CNTNAP2: variants seen among roughly 807,000 people sequenced by gnomAD.
CNTNAP2 encodes contactin-associated protein-like 2.
CNTNAP2 carries 98 observed loss-of-function variants against 155.2 expected under a neutral mutation model. That is an observed-to-expected ratio of 0.63 (90% confidence interval 0.54 to 0.75). The LOEUF is 0.75. CNTNAP2 is among the 30% of genes least tolerant of loss of function. The probability of loss-of-function intolerance (pLI) is 0.00; values close to 1 mark genes in which losing one functional copy is unlikely to be tolerated. For synonymous variants in CNTNAP2, 651 were observed against 631.2 expected, an observed-to-expected ratio of 1.03 and a Z score of -0.47; for missense variants, 1,727 against 1,688.1, an observed-to-expected ratio of 1.02 and a Z score of -0.40.
chr7:147,398,608 T>G (rs1439272788), intron 10 of CNTNAP2, among the ~76,000 whole-genome samples: 1 of 134,346 alleles, frequency 7.4e-6, no homozygotes, highest in Non-Finnish European at 1.6e-5. Flanking sequence ...TTTTTTTTTT[T>G]GCTTTGTGTG....
intron 3 of CNTNAP2, among the ~76,000 whole-genome samples, chr7:146,857,661 C>A (rs553524011): frequency 6.6e-6 from 1 of 152,092 alleles, no homozygotes; most frequent in Non-Finnish European, 1.5e-5. Context: ...CAATGAGGGA[C>A]GAGAGAGCCT....
chr7:148,050,862 G>A lies in CNTNAP2; in HGVS notation c.2384-67256G>A, dbSNP rs10265076. 8.0e-3 allele frequency among the ~76,000 whole-genome samples: 1,212 copies of A among 152,230 alleles called. 15 individuals carry two copies. The highest frequency in any genetic ancestry group is 0.025 in the African/African-American group (1,056 of 41,528). On this transcript the variant is annotated intron_variant, in intron 15 of 23. Coordinates refer to ENST00000361727, the MANE Select transcript of CNTNAP2 (RefSeq NM_014141.6). Reference sequence around the variant, plus strand: ...GTGTTACAACTGTCTACAGTATTTAGTACAATAACATGCTGTACAGATTTG... The same window carrying A: ...GTGTTACAACTGTCTACAGTATTTAATACAATAACATGCTGTACAGATTTG...
chr7:147,148,165 C>T (rs571707273), intron 8 of CNTNAP2, among the ~76,000 whole-genome samples: 154 of 151,756 alleles, frequency 1.0e-3, no homozygotes, highest in Admixed American at 2.1e-3. Flanking sequence ...CCGAGGCGGG[C>T]GGATCATGAG....
intron 3 of CNTNAP2, among the ~76,000 whole-genome samples, chr7:146,959,482 G>A (rs1449869577): frequency 1.3e-5 from 2 of 151,924 alleles, no homozygotes; most frequent in African/African-American, 4.8e-5. Flanking sequence ...CACTTCGGGA[G>A]GCTGAGGTGT....
intron 13 of CNTNAP2, among the ~76,000 whole-genome samples, chr7:147,811,170 C>G (rs2116607039): frequency 6.6e-6 from 1 of 152,312 alleles, no homozygotes; most frequent in East Asian, 1.9e-4. Flanking sequence ...TCTCAGCTCA[C>G]TGCAACCTCC....
At chr7:146,737,027 T>C (rs1801632873) in intron 1 of CNTNAP2, among the ~76,000 whole-genome samples, 1 of 152,118 alleles carries the variant, frequency 6.6e-6, no homozygotes, top group South Asian at 2.1e-4. Flanking sequence ...ATTAATCAAA[T>C]AATGTGTGAA....
At chr7:147,438,747 T>A (rs1797592826) in intron 10 of CNTNAP2, among the ~76,000 whole-genome samples, 1 of 152,072 alleles carries the variant, frequency 6.6e-6, no homozygotes, top group Non-Finnish European at 1.5e-5. Flanking sequence ...AGACTTTTTA[T>A]TATGCTTCAG....
intron 3 of CNTNAP2, among the ~76,000 whole-genome samples, chr7:146,915,664 A>G (rs1322056061): frequency 3.3e-5 from 5 of 152,134 alleles, no homozygotes; most frequent in African/African-American, 4.8e-5. Context: ...ATTTTTGTAC[A>G]TTAATTTTGT....
chr7:148,229,612 A>G, intron 19 of CNTNAP2, 34 bp from the exon 20 acceptor site: 1 of 1,613,804 alleles, frequency 6.2e-7, no homozygotes, highest in Non-Finnish European at 8.5e-7. Context: ...ATTTAGGGCA[A>G]ACAAATTACT....
chr7:147,617,695 C>A (rs1362173236), intron 12 of CNTNAP2, among the ~76,000 whole-genome samples: 1 of 152,194 alleles, frequency 6.6e-6, no homozygotes, highest in South Asian at 2.1e-4. Context: ...TAGGAAAACA[C>A]ATTTCTATTA....
At chr7:146,597,881 C>T (rs1175424361) in intron 1 of CNTNAP2, among the ~76,000 whole-genome samples, 2 of 152,106 alleles carry the variant, frequency 1.3e-5, no homozygotes, top group Non-Finnish European at 2.9e-5. Context: ...TCAGCAAAAT[C>T]CTCTCTACTC....
chr7:146,222,541 AGTGTGTGT>A (rs10616515), intron 1 of CNTNAP2, among the ~76,000 whole-genome samples: 4,649 of 147,300 alleles, frequency 0.032, 77 homozygotes, highest in Non-Finnish European at 0.046. Context: ...ACTAAAGCAT[AGTGTGTGT>A]GTGTGTGTGT....
At chr7:146,451,548 A>G (rs1439786280) in intron 1 of CNTNAP2, among the ~76,000 whole-genome samples, 1 of 152,146 alleles carries the variant, frequency 6.6e-6, no homozygotes, top group Admixed American at 6.6e-5. Flanking sequence ...CATTAGGTAT[A>G]GTGCTCTGCT....
intron 21 of CNTNAP2, among the ~76,000 whole-genome samples, chr7:148,295,674 G>A (rs1797269045): frequency 6.7e-6 from 1 of 148,830 alleles, no homozygotes; most frequent in African/African-American, 2.5e-5. Flanking sequence ...TGTATTTTTA[G>A]TAGAGACAGG....
intron 12 of CNTNAP2, among the ~76,000 whole-genome samples, chr7:147,624,920 C>T (rs1584863329): frequency 6.6e-6 from 1 of 152,088 alleles, no homozygotes; most frequent in African/African-American, 2.4e-5. Context: ...GAGTACTATT[C>T]AGCCATAAAA....
intron 3 of CNTNAP2, among the ~76,000 whole-genome samples, chr7:146,975,943 C>G (rs771707148): frequency 1.3e-5 from 2 of 152,164 alleles, no homozygotes; most frequent in African/African-American, 2.4e-5. Context: ...AGCTAAATTT[C>G]TTACCTTTCA....
intron 8 of CNTNAP2, among the ~76,000 whole-genome samples, chr7:147,150,598 C>T (rs1258562660): frequency 1.3e-5 from 2 of 152,218 alleles, no homozygotes; most frequent in South Asian, 2.1e-4. Context: ...AAGGCTTAGA[C>T]AGGAAAGATA....
intron 1 of CNTNAP2, among the ~76,000 whole-genome samples, chr7:146,398,184 C>CTAT (rs1795660742): frequency 9.3e-6 from 1 of 107,052 alleles, no homozygotes; most frequent in African/African-American, 4.1e-5. Context: ...CGGCCCCAAA[C>CTAT]TTTTTTTTTT....
intron 1 of CNTNAP2, among the ~76,000 whole-genome samples, chr7:146,735,447 T>C (rs1023910510): frequency 6.6e-6 from 1 of 151,906 alleles, no homozygotes; most frequent in Non-Finnish European, 1.5e-5. Context: ...CCCAGCTACT[T>C]GGGAGGCTGA....
Sources: allele counts gnomAD v4.1 joint callset (sites outside exome capture counted in the v4.1 genomes callset), GRCh38; gene constraint gnomAD v4.1.1; transcripts MANE v1.5; gene names NCBI Gene and HGNC (gene_info 2026-07-23, HGNC 2026-07-21).